PRCD: variants seen among roughly 807,000 people sequenced by gnomAD.
The protein encoded by PRCD is photoreceptor disc component.
Under a neutral mutation model 10.1 loss-of-function variants are expected in PRCD, and 12 were observed. That is an observed-to-expected ratio of 1.18 (90% CI 0.76 to 1.92). PRCD has a LOEUF of 1.92. PRCD is among the 40% of genes most tolerant of loss of function. PRCD has a pLI of 0.00. For synonymous variants in PRCD, 31 were observed against 26.2 expected (o/e 1.18, Z -0.56); for missense variants, 61 against 72.2 (o/e 0.84, Z 0.56).
At chr17:76,539,681 G>A (rs2074963197), upstream of PRCD, among the ~76,000 whole-genome samples, 1 of 152,208 alleles carries the variant, frequency 6.6e-6, no homozygotes, top group African/African-American at 2.4e-5. Flanking sequence ...TCTTCTGTCT[G>A]AGGGCTCATC....
chr17:76,531,580 G>A lies in PRCD; in HGVS notation n.45+3747G>A. On this transcript the variant is annotated intron_variant and non_coding_transcript_variant, in intron 1 of 4. Transcript: ENST00000397633. This position sits in a 1 kb window ranked among gnomAD's most constrained non-coding sequence, Gnocchi z 7.4. ...CCACGACAGTGTTGAGGGCCCCCATGACTCGGCAGGCGTGCTTCCGCAGCT... is the reference window on the plus strand; with the variant it reads ...CCACGACAGTGTTGAGGGCCCCCATAACTCGGCAGGCGTGCTTCCGCAGCT... The A allele has an allele frequency of 1.2e-6, 2 of 1,614,080 alleles. No individual in the cohort carries two copies. The highest frequency in any genetic ancestry group is 2.7e-5 in the African/African-American group (2 of 75,066).
exon 2 of PRCD, chr17:76,553,137 C>T (rs998298937): frequency 6.6e-6 from 1 of 152,032 alleles, no homozygotes; most frequent in African/African-American, 2.4e-5. Flanking sequence ...ATGGAAGCCT[C>T]GCAGATGCAA....
chr17:76,535,733 G>T (rs913583614), upstream of PRCD, among the ~76,000 whole-genome samples: 2 of 152,196 alleles, frequency 1.3e-5, no homozygotes, highest in African/African-American at 4.8e-5. Context: ...CCCAGACATG[G>T]CCCTGGCCTC....
In PRCD at chr17:76,545,310, T is replaced by C. The variant is rs1446265880; in HGVS notation, c.*1660T>C. The C allele has an allele frequency of 4.4e-6, 2 of 456,746 alleles. No individual in the cohort carries two copies. Among genetic ancestry groups the C allele is most frequent in the East Asian group, 1.4e-4 (2 of 14,400 alleles). The allele number at this position is 456,746 out of a possible 1,614,324, so 28.3% of individuals were successfully genotyped here. On this transcript the variant is annotated 3_prime_UTR_variant, in exon 5 of 5. Coordinates refer to ENST00000592014, the MANE Select transcript of PRCD (RefSeq NM_001077620.3). ...GCCCACTGGCTCCCATCACAGGGCTTAGTGTGAAGCTCAGGGCAAGGGTGG... is the reference window on the plus strand; with the variant it reads ...GCCCACTGGCTCCCATCACAGGGCTCAGTGTGAAGCTCAGGGCAAGGGTGG...
chr17:76,537,459 C>A (rs1447049603), upstream of PRCD: 6 of 1,598,076 alleles, frequency 3.8e-6, no homozygotes, highest in Non-Finnish European at 5.1e-6. Flanking sequence ...CCCACATAGC[C>A]TGCACCGCCT....
At chr17:76,529,265 GAGGGTGTAA>G in intron 1 of PRCD, 1 of 985,458 alleles carries the variant, frequency 1.0e-6, no homozygotes, top group Non-Finnish European at 1.2e-6. Context: ...GGGTGGGCTA[GAGGGTGTAA>G]AGGGATGAGG....
chr17:76,537,633 C>G (rs2074935096), upstream of PRCD: 2 of 972,878 alleles, frequency 2.1e-6, no homozygotes, highest in Non-Finnish European at 1.2e-6. Flanking sequence ...CCGGGGCCGG[C>G]TGCGTGCGCG....
At chr17:76,537,625 G>A (rs1033288655), upstream of PRCD, 13 of 981,252 alleles carry the variant, frequency 1.3e-5, no homozygotes, top group African/African-American at 1.2e-4. Context: ...GCCGGGAGCC[G>A]GGGCCGGCTG....
At position 76,540,648 on chromosome 17, in the gene PRCD, C is replaced by T. The variant is rs149696676; in HGVS notation, c.143+75C>T. The T allele has an allele frequency of 6.6e-5, 96 of 1,456,136 alleles. No homozygotes were observed. In the African/African-American group the frequency reaches 9.9e-4, roughly 15 times the overall value. 90.2% of individuals were successfully genotyped at this position (1,456,136 alleles called of 1,614,324 possible). On this transcript the variant is annotated intron_variant, in intron 2 of 4. Coordinates refer to ENST00000592014, the MANE Select transcript of PRCD (RefSeq NM_001077620.3). This position sits in a 1 kb window ranked among gnomAD's most constrained non-coding sequence, Gnocchi z 5.0. ...GTGGCTGTGCATGCCTGGGGGTGCA[C>T]GTGTGTGCCTGTGCGCGCCTGTGCG...
Position 76,544,645 on chromosome 17 carries a change from C to G in PRCD, c.*995C>G, listed in dbSNP as rs1314602489. The G allele has an allele frequency of 2.2e-6, 1 of 456,810 alleles. No individual in the cohort carries two copies. The highest frequency in any genetic ancestry group is 6.9e-5 in the East Asian group (1 of 14,404). The allele number at this position is 456,810 out of a possible 1,614,324, so 28.3% of individuals were successfully genotyped here. Reference sequence around the variant, plus strand: ...TCTCAGCTCCTGTCAGCCTGTCTCTCTCTTTGGAGGCATCGGCCTTCCTGG... The same window carrying G: ...TCTCAGCTCCTGTCAGCCTGTCTCTGTCTTTGGAGGCATCGGCCTTCCTGG... On this transcript the variant is annotated 3_prime_UTR_variant, in exon 5 of 5. Coordinates refer to ENST00000592014, the MANE Select transcript of PRCD (RefSeq NM_001077620.3).
At chr17:76,534,042 A>G (rs1016166423) in intron 1 of PRCD, among the ~76,000 whole-genome samples, 8 of 152,118 alleles carry the variant, frequency 5.3e-5, no homozygotes, top group Admixed American at 1.3e-4. Context: ...TGACAAAATA[A>G]TAACAATGAT....
rs1038819195 is a variant in PRCD, at chr17:76,533,315, G to A, written n.45+5482G>A. Among the ~76,000 whole-genome samples the A allele has an allele frequency of 3.3e-5, 5 of 152,214 alleles. No individual in the cohort carries two copies. The highest frequency in any genetic ancestry group is 7.3e-5 in the Non-Finnish European group (5 of 68,042). ...CGGGTGAGGACACGTGAGGCGACGGGTCTGAAAATACATTGAATTTTCTGG... is the reference window on the plus strand; with the variant it reads ...CGGGTGAGGACACGTGAGGCGACGGATCTGAAAATACATTGAATTTTCTGG... On this transcript the variant is annotated intron_variant and non_coding_transcript_variant, in intron 1 of 4. Coordinates refer to the PRCD transcript ENST00000397633. This position sits in a 1 kb window ranked among gnomAD's most constrained non-coding sequence, Gnocchi z 4.5.
In PRCD at chr17:76,540,054, G is replaced by A. The variant is rs1210283455; in HGVS notation, c.-88G>A. 3 of 1,370,882 alleles carry A rather than the reference G, an allele frequency of 2.2e-6. No homozygotes were observed. Among genetic ancestry groups the A allele is most frequent in the East Asian group, 2.5e-5 (1 of 40,346 alleles). The allele number at this position is 1,370,882 out of a possible 1,614,324, so 84.9% of individuals were successfully genotyped here. On this transcript the variant is annotated 5_prime_UTR_variant, in exon 1 of 5. Coordinates refer to ENST00000592014, the MANE Select transcript of PRCD (RefSeq NM_001077620.3). This position sits in a 1 kb window ranked among gnomAD's most constrained non-coding sequence, Gnocchi z 5.0. The stretch of plus-strand genomic sequence containing the variant: ...CAGGAACCGCAGGACAGACGGCAGT[G>A]GCTCCTGAGAGCTGGCTGGGGCCAT...
intron 1 of PRCD, chr17:76,552,329 G>A: frequency 6.6e-6 from 1 of 151,772 alleles, no homozygotes; most frequent in Non-Finnish European, 1.5e-5. Flanking sequence ...TGAGTAGCTG[G>A]GACTACAGGC....
At chr17:76,541,748 T>C (rs2074995205) in intron 2 of PRCD, among the ~76,000 whole-genome samples, 1 of 152,188 alleles carries the variant, frequency 6.6e-6, no homozygotes, top group African/African-American at 2.4e-5. Context: ...CCTCAAATGC[T>C]GGGTGGTCCA....
At chr17:76,529,989 C>A in intron 1 of PRCD, 1 of 985,388 alleles carries the variant, frequency 1.0e-6, no homozygotes, top group Non-Finnish European at 1.2e-6. Flanking sequence ...GCGTCCCCAG[C>A]TGCCCTCAGG....
intron 4 of PRCD, 54 bp from the exon 5 acceptor site, chr17:76,543,749 T>C: frequency 4.3e-6 from 2 of 469,732 alleles, no homozygotes; most frequent in Non-Finnish European, 8.8e-6. Flanking sequence ...TCCGAGGTGC[T>C]GGTGTCGGTT....
rs1384432703 is a variant in PRCD at position 76,543,053 on chromosome 17, C to A, written c.*84C>A. ...GCTCAGGTCCTGGTTCGTCCCCTAGCCCAGGAGGATGCTGTGGGAGCTGCA... is the reference window on the plus strand; with the variant it reads ...GCTCAGGTCCTGGTTCGTCCCCTAGACCAGGAGGATGCTGTGGGAGCTGCA... On this transcript the variant is annotated 3_prime_UTR_variant, in exon 4 of 5. Transcript: ENST00000592014. 1 of 472,402 alleles carries A rather than the reference C, an allele frequency of 2.1e-6. No individual in the cohort carries two copies. Among genetic ancestry groups the A allele is most frequent in the Non-Finnish European group, 4.4e-6 (1 of 227,958 alleles). The allele number at this position is 472,402 out of a possible 1,614,324, so 29.3% of individuals were successfully genotyped here.
intron 1 of PRCD, chr17:76,551,179 CAGAGA>C (rs925305835): frequency 2.0e-5 from 3 of 152,140 alleles, no homozygotes; most frequent in African/African-American, 7.2e-5. Context: ...ATTTGCAGAG[CAGAGA>C]AGAGAATGCA....
Sources: gnomAD v4.1 joint callset for allele counts (sites outside exome capture counted in the v4.1 genomes callset) on GRCh38, gnomAD v4.1.1 for gene constraint, Gnocchi (gnomAD v3.1) non-coding constraint, MANE v1.5 for transcripts, NCBI Gene and HGNC (gene_info 2026-07-23, HGNC 2026-07-21) for gene names.